ATE1: variants seen among roughly 807,000 people sequenced by gnomAD.
ATE1 encodes the protein arginyl-tRNA--protein transferase 1.
In ATE1, 36 loss-of-function variants were observed where a neutral mutation model predicts 70.5. The observed-to-expected ratio is 0.51, with a 90% CI of 0.39 to 0.67. The LOEUF (loss-of-function observed/expected upper bound fraction) is 0.67, where lower values mean the gene tolerates loss of function less well. Among genes scored for constraint, ATE1 ranks in the 30% least tolerant of loss-of-function variants. The pLI is 0.00. For missense variants in ATE1, 593 were observed against 629.5 expected (o/e 0.94, Z 0.62); for synonymous variants, 232 against 219.3 (o/e 1.06, Z -0.51).
At chr10:121,880,019 G>C (rs1950178814) in intron 7 of ATE1, among the ~76,000 whole-genome samples, 1 of 151,988 alleles carries the variant, frequency 6.6e-6, no homozygotes, top group Non-Finnish European at 1.5e-5. Context: ...ATAAATTAGG[G>C]ATAAATAGAA....
chr10:121,745,109 T>C (rs1335085728), intron 11 of ATE1, among the ~76,000 whole-genome samples: 2 of 152,246 alleles, frequency 1.3e-5, no homozygotes, highest in East Asian at 3.8e-4. Context: ...TCTAGATATT[T>C]ACATTACAAA....
intron 8 of ATE1, among the ~76,000 whole-genome samples, chr10:121,863,945 C>T (rs1184330481): frequency 6.6e-6 from 1 of 152,100 alleles, no homozygotes; most frequent in Non-Finnish European, 1.5e-5. Context: ...TTTACTCTAG[C>T]CTTTTACTTT....
At chr10:121,905,557 T>G (rs1951156260) in intron 5 of ATE1, among the ~76,000 whole-genome samples, 1 of 152,150 alleles carries the variant, frequency 6.6e-6, no homozygotes, top group East Asian at 1.9e-4. Flanking sequence ...AAGTAGGATT[T>G]CAGGCGGGGC....
chr10:121,902,497 C>A lies in ATE1; in HGVS notation c.707G>T (p.Gly236Val). The A allele has an allele frequency of 6.2e-7, 1 of 1,614,116 alleles. No homozygotes were observed. The highest frequency in any genetic ancestry group is 8.5e-7 in the Non-Finnish European group (1 of 1,180,018). The change falls in exon 6 of 12, where the codon GGT (glycine) becomes GTT (valine). Residue 236 changes from glycine to valine, a missense_variant. This residue lies in a region of ATE1 where 467 missense variants were observed against 469.6 expected (regional missense o/e 0.99). Coordinates refer to ENST00000224652, the MANE Select transcript of ATE1 (RefSeq NM_001001976.3). Reference sequence around the variant, plus strand: ...TGGTGGAAACAAAGATGGTGGGTGACCTTGAGCCTGGAAACCCTCAAGTTC... The same window carrying A: ...TGGTGGAAACAAAGATGGTGGGTGAACTTGAGCCTGGAAACCCTCAAGTTC... ...AGELEGFQAQ[G>V]HPPSLFPPKA...
chr10:121,847,455 GTAA>G (rs1008593191), intron 8 of ATE1, among the ~76,000 whole-genome samples: 2 of 144,194 alleles, frequency 1.4e-5, no homozygotes. Flanking sequence ...CTCAAAAATA[GTAA>G]TAATAATAAT....
intron 3 of ATE1, among the ~76,000 whole-genome samples, chr10:121,914,759 G>A (rs2134479918): frequency 6.6e-6 from 1 of 152,262 alleles, no homozygotes; most frequent in African/African-American, 2.4e-5. Flanking sequence ...CCTCTTACAG[G>A]ATGGATGCAA....
chr10:121,781,953 C>T (rs1946009700), intron 11 of ATE1, among the ~76,000 whole-genome samples: 1 of 152,134 alleles, frequency 6.6e-6, no homozygotes. Flanking sequence ...AAACATTTTG[C>T]TAGCATGACA....
chr10:121,846,700 C>CTAAATAAATAAATAAA (rs10528287), intron 8 of ATE1: 11 of 148,194 alleles, frequency 7.4e-5, no homozygotes, highest in East Asian at 3.9e-4. Flanking sequence ...ACTAGCCTGC[C>CTAAATAAATAAATAAA]TAAATAAATA....
At chr10:121,873,830 T>C (rs1483659837) in intron 7 of ATE1, among the ~76,000 whole-genome samples, 1 of 152,104 alleles carries the variant, frequency 6.6e-6, no homozygotes, top group Non-Finnish European at 1.5e-5. Context: ...TTCCTATCTT[T>C]TAAAGAAAAA....
intron 5 of ATE1, among the ~76,000 whole-genome samples, chr10:121,909,903 G>C (rs1409214909): frequency 6.6e-6 from 1 of 151,986 alleles, no homozygotes; most frequent in African/African-American, 2.4e-5. Flanking sequence ...AAAGAACTAG[G>C]CATGGTGACA....
At chr10:121,788,605 A>G (rs539973654) in intron 11 of ATE1, among the ~76,000 whole-genome samples, 10 of 151,750 alleles carry the variant, frequency 6.6e-5, no homozygotes, top group African/African-American at 2.4e-4. Flanking sequence ...CCCTTTCCCC[A>G]CCCCCTTATC....
At chr10:121,774,126 G>A (rs993134343) in intron 11 of ATE1, among the ~76,000 whole-genome samples, 10 of 152,216 alleles carry the variant, frequency 6.6e-5, no homozygotes, top group East Asian at 3.9e-4. Flanking sequence ...GATCAGCTTC[G>A]TTGCAAGAGA....
chr10:121,761,480 C>T (rs1299288513), intron 11 of ATE1, among the ~76,000 whole-genome samples: 1 of 151,570 alleles, frequency 6.6e-6, no homozygotes, highest in African/African-American at 2.4e-5. Flanking sequence ...TTTTTCCCAA[C>T]ATAATGCTAT....
intron 3 of ATE1, among the ~76,000 whole-genome samples, chr10:121,914,767 C>A (rs539496870): frequency 6.6e-6 from 1 of 152,254 alleles, no homozygotes; most frequent in South Asian, 2.1e-4. Flanking sequence ...AGGATGGATG[C>A]AAGCCACAGC....
At chr10:121,866,846 CAAAAA>C (rs35535465) in intron 8 of ATE1, among the ~76,000 whole-genome samples, 1 of 102,936 alleles carries the variant, frequency 9.7e-6, no homozygotes, top group Non-Finnish European at 1.9e-5. Flanking sequence ...GACTCTGTCT[CAAAAA>C]AAAAAAAAAA....
At chr10:121,768,774 T>TG (rs1359273147) in intron 11 of ATE1, among the ~76,000 whole-genome samples, 3 of 152,168 alleles carry the variant, frequency 2.0e-5, no homozygotes, top group Non-Finnish European at 4.4e-5. Context: ...AAGACCACCA[T>TG]GGTCTGTATG....
rs1554882137 is a variant in ATE1 at position 121,741,537 on chromosome 10, C to CT, written c.*2142dup. ...TGGTAAGATGTTGGAGTCAAGTTTTCTCTTCATCTGATATTCAAGGGTTGT... is the reference window on the plus strand; with the variant it reads ...TGGTAAGATGTTGGAGTCAAGTTTTCTTCTTCATCTGATATTCAAGGGTTGT... On this transcript the variant is annotated 3_prime_UTR_variant, in exon 12 of 12. Coordinates refer to ENST00000224652, the MANE Select transcript of ATE1 (RefSeq NM_001001976.3). 1 of 152,180 alleles carries CT rather than the reference C, an allele frequency of 6.6e-6. No individual in the cohort carries two copies. Among genetic ancestry groups the CT allele is most frequent in the Non-Finnish European group, 1.5e-5 (1 of 68,024 alleles). 9.4% of individuals were successfully genotyped at this position (152,180 alleles called of 1,614,324 possible).
chr10:121,756,224 C>T (rs1449554717), intron 11 of ATE1, among the ~76,000 whole-genome samples: 3 of 152,236 alleles, frequency 2.0e-5, no homozygotes, highest in African/African-American at 7.2e-5. Flanking sequence ...CTCCATGCCT[C>T]GCATCCGGGT....
At chr10:121,757,955 C>A (rs892352928) in intron 11 of ATE1, among the ~76,000 whole-genome samples, 1 of 152,218 alleles carries the variant, frequency 6.6e-6, no homozygotes, top group Non-Finnish European at 1.5e-5. Context: ...TCCCATCACT[C>A]CAGCCTACTG....
Sources: gnomAD v4.1 joint callset for allele counts (sites outside exome capture counted in the v4.1 genomes callset) on GRCh38, gnomAD v4.1.1 for gene constraint, gnomAD v4.1.1 regional missense constraint, MANE v1.5 for transcripts, NCBI Gene and HGNC (gene_info 2026-07-23, HGNC 2026-07-21) for gene names.